MLLT10: variants seen among roughly 807,000 people sequenced by gnomAD.
The protein encoded by MLLT10 is protein AF-10.
MLLT10 carries 30 observed loss-of-function variants against 129.1 expected under a neutral mutation model. The observed-to-expected ratio is 0.23, with a 90% confidence interval of 0.17 to 0.32. The LOEUF (loss-of-function observed/expected upper bound fraction) is 0.32, where lower values mean the gene tolerates loss of function less well. Ranked by LOEUF, MLLT10 falls within the 10% of genes least tolerant of loss-of-function variation. The probability of loss-of-function intolerance (pLI) is 1.00; values close to 1 mark genes in which losing one functional copy is unlikely to be tolerated. For missense variants in MLLT10, 1,119 were observed against 1,268.3 expected (o/e 0.88, Z 1.79); for synonymous variants, 490 against 446.4 (o/e 1.10, Z -1.23).
At chr10:21,718,333 A>C (rs2056898138) in intron 14 of MLLT10, among the ~76,000 whole-genome samples, 1 of 152,128 alleles carries the variant, frequency 6.6e-6, no homozygotes, top group Non-Finnish European at 1.5e-5. Flanking sequence ...ACTGTTAATC[A>C]TGGATCAGGG....
At chr10:21,537,534 G>A (rs1356562395) in intron 2 of MLLT10, among the ~76,000 whole-genome samples, 10 of 151,838 alleles carry the variant, frequency 6.6e-5, no homozygotes, top group Non-Finnish European at 1.5e-4. Context: ...GCGTGATCTC[G>A]GCTCAGTGAA....
intron 11 of MLLT10, among the ~76,000 whole-genome samples, chr10:21,674,517 T>G (rs1249221813): frequency 6.6e-6 from 1 of 152,230 alleles, no homozygotes; most frequent in Non-Finnish European, 1.5e-5. Flanking sequence ...TTTACCATTC[T>G]TTTTATTATA....
chr10:21,568,592 T>C (rs749825597), intron 3 of MLLT10, among the ~76,000 whole-genome samples: 3 of 152,174 alleles, frequency 2.0e-5, no homozygotes, highest in Non-Finnish European at 2.9e-5. Flanking sequence ...ATACTTGATA[T>C]TTTTGTCTTT....
At chr10:21,613,904 T>TA (rs560497110) in intron 6 of MLLT10, among the ~76,000 whole-genome samples, 125 of 141,362 alleles carry the variant, frequency 8.8e-4, no homozygotes, top group Middle Eastern at 3.6e-3. Context: ...AGGCTCCATC[T>TA]AAAAAAAAAA....
intron 8 of MLLT10, among the ~76,000 whole-genome samples, chr10:21,618,711 G>T (rs1051349079): frequency 1.3e-5 from 2 of 151,584 alleles, no homozygotes; most frequent in East Asian, 3.9e-4. Flanking sequence ...TCAGTCTACC[G>T]CAACCTCTGC....
chr10:21,693,012 G>GA lies in MLLT10; in HGVS notation c.1699+10765dup, dbSNP rs201227943. 4.6e-3 allele frequency among the ~76,000 whole-genome samples: 679 copies of GA among 148,934 alleles called. 4 individuals carry two copies. Among genetic ancestry groups the GA allele is most frequent in the African/African-American group, 0.015 (601 of 40,708 alleles). ...TTCTTTTAATCTTTTTAAAGAAACA[G>GA]AAAAAAAAAATCACTGTGTAGTATG... On this transcript the variant is annotated intron_variant, in intron 13 of 22. Transcript: ENST00000307729.
At chr10:21,703,080 T>A (rs1464454726) in intron 13 of MLLT10, among the ~76,000 whole-genome samples, 1 of 152,188 alleles carries the variant, frequency 6.6e-6, no homozygotes, top group East Asian at 1.9e-4. Flanking sequence ...GTGTATTTGC[T>A]TTACTCCAGT....
At chr10:21,691,841 A>G (rs2053878481) in intron 13 of MLLT10, among the ~76,000 whole-genome samples, 1 of 152,038 alleles carries the variant, frequency 6.6e-6, no homozygotes, top group African/African-American at 2.4e-5. Flanking sequence ...AACTTCCTAG[A>G]AAGAAGGAAA....
intron 13 of MLLT10, among the ~76,000 whole-genome samples, chr10:21,706,866 T>G (rs1351604567): frequency 1.3e-5 from 2 of 152,204 alleles, no homozygotes; most frequent in African/African-American, 4.8e-5. Flanking sequence ...TCACATCTAG[T>G]GGGCTGAAAA....
At chr10:21,688,638 T>A in intron 13 of MLLT10, 1 of 967,840 alleles carries the variant, frequency 1.0e-6, no homozygotes, top group Admixed American at 2.6e-5. Flanking sequence ...TAGCAGTATG[T>A]ACTCATAAAA....
At position 21,640,264 on chromosome 10, in the gene MLLT10, ATATT is replaced by A. The variant is rs1159116598; in HGVS notation, c.700-11408_700-11405del. Among the ~76,000 whole-genome samples the A allele has an allele frequency of 4.2e-5, 6 of 144,166 alleles. No individual in the cohort carries two copies. The East Asian group carries it at 1.2e-3, about 28-fold the overall frequency. 94.6% of individuals were successfully genotyped at this position (144,166 alleles called of 152,430 possible). A position where few individuals can be genotyped will look rare whatever the true frequency, so the allele number is the denominator to read the frequency against. On this transcript the variant is annotated intron_variant, in intron 8 of 22. Coordinates refer to ENST00000307729, the MANE Select transcript of MLLT10 (RefSeq NM_001195626.3). Reference sequence around the variant, plus strand: ...TATAAATATTTATATTACATAATATATATTATATTGTATTATATATAATATATAT... The same window carrying A: ...TATAAATATTTATATTACATAATATAATATTGTATTATATATAATATATAT...
intron 13 of MLLT10, among the ~76,000 whole-genome samples, chr10:21,704,353 C>A (rs1456457483): frequency 3.1e-5 from 2 of 64,508 alleles, no homozygotes; most frequent in African/African-American, 1.0e-4. Context: ...CTCTCTCTCT[C>A]TCTCTATATA....
intron 8 of MLLT10, among the ~76,000 whole-genome samples, chr10:21,641,394 T>C (rs1272678451): frequency 6.6e-6 from 1 of 152,202 alleles, no homozygotes; most frequent in African/African-American, 2.4e-5. Flanking sequence ...AGAGAAAAAT[T>C]ATTAAATTGA....
intron 8 of MLLT10, among the ~76,000 whole-genome samples, chr10:21,622,012 A>G (rs1468837309): frequency 1.3e-5 from 2 of 152,150 alleles, no homozygotes; most frequent in African/African-American, 2.4e-5. Context: ...TTTGCTTTTC[A>G]GAGAAGCTCT....
At chr10:21,690,551 A>G (rs2053752026) in intron 13 of MLLT10, among the ~76,000 whole-genome samples, 1 of 152,118 alleles carries the variant, frequency 6.6e-6, no homozygotes, top group Admixed American at 6.6e-5. Context: ...AATAATACTT[A>G]AATATGCAAC....
In MLLT10 at chr10:21,608,346, T is replaced by C. The variant is rs186881389; in HGVS notation, c.406-4002T>C. Among the ~76,000 whole-genome samples the C allele has an allele frequency of 1.6e-3, 244 of 149,042 alleles. 2 individuals carry two copies. Among genetic ancestry groups the C allele is most frequent in the Non-Finnish European group, 1.8e-3 (120 of 67,428 alleles). ...CATCACGCCTGGATAATTTTTTTCT[T>C]TTTTTTTTAAAGTAGAGGTGAGGTT... On this transcript the variant is annotated intron_variant, in intron 5 of 22. Coordinates refer to ENST00000307729, the MANE Select transcript of MLLT10 (RefSeq NM_001195626.3).
intron 5 of MLLT10, 119 bp from the exon 6 acceptor site, chr10:21,612,229 A>G (rs2044731532): frequency 1.8e-6 from 1 of 544,000 alleles, no homozygotes; most frequent in Non-Finnish European, 3.2e-6. Flanking sequence ...ATGAATTCAT[A>G]TTTTGAGTTA....
intron 3 of MLLT10, among the ~76,000 whole-genome samples, chr10:21,583,724 C>G (rs149984091): frequency 6.6e-6 from 1 of 152,262 alleles, no homozygotes; most frequent in African/African-American, 2.4e-5. Flanking sequence ...GAAACTCACT[C>G]ATTACCACAG....
At chr10:21,572,523 A>C (rs1413355236) in intron 3 of MLLT10, among the ~76,000 whole-genome samples, 2 of 152,066 alleles carry the variant, frequency 1.3e-5, no homozygotes, top group Non-Finnish European at 2.9e-5. Context: ...AGTATAGTAT[A>C]TCTCTCCATT....
Sources: gnomAD v4.1 joint callset for allele counts (sites outside exome capture counted in the v4.1 genomes callset) on GRCh38, gnomAD v4.1.1 for gene constraint, MANE v1.5 for transcripts, NCBI Gene and HGNC (gene_info 2026-07-23, HGNC 2026-07-21) for gene names.